The following MAML2 variants were observed in gnomAD, a reference collection of about 807,000 sequenced individuals.
The protein encoded by MAML2 is mastermind like transcriptional coactivator 2.
Under a neutral mutation model 96.1 loss-of-function variants are expected in MAML2, and 22 were observed. The ratio of observed to expected loss-of-function variants is 0.23; its 90% CI spans 0.16 to 0.33. The LOEUF (loss-of-function observed/expected upper bound fraction) is 0.33. MAML2 is among the 10% of genes least tolerant of loss of function. MAML2 has a pLI of 1.00. For missense variants in MAML2, 1,367 were observed against 1,392.4 expected (o/e 0.98, Z 0.29); for synonymous variants, 561 against 521.3 (o/e 1.08, Z -1.04).
chr11:96,026,764 C>A (rs998124543), intron 2 of MAML2, among the ~76,000 whole-genome samples: 1 of 146,946 alleles, frequency 6.8e-6, no homozygotes, highest in African/African-American at 2.5e-5. Context: ...CGAGTAGATA[C>A]GGCACAGTAG....
intron 2 of MAML2, among the ~76,000 whole-genome samples, chr11:96,043,424 A>C (rs1231885944): frequency 6.6e-6 from 1 of 152,244 alleles, no homozygotes; most frequent in East Asian, 1.9e-4. Context: ...AATGAGAAAA[A>C]AACTCTGCCA....
intron 1 of MAML2, among the ~76,000 whole-genome samples, chr11:96,279,192 T>C (rs1863030154): frequency 6.6e-6 from 1 of 152,152 alleles, no homozygotes. Context: ...GGAAAGGCCA[T>C]TAGGCAGTTA....
chr11:96,200,407 C>A (rs1438420130), intron 1 of MAML2, among the ~76,000 whole-genome samples: 1 of 152,178 alleles, frequency 6.6e-6, no homozygotes, highest in Admixed American at 6.5e-5. Flanking sequence ...ATTCTTCTAA[C>A]AAGCTATTAG....
intron 1 of MAML2, among the ~76,000 whole-genome samples, chr11:96,231,158 C>G (rs912646399): frequency 6.6e-6 from 1 of 152,148 alleles, no homozygotes; most frequent in Non-Finnish European, 1.5e-5. Context: ...ATATTTCTCT[C>G]TATATAAAAA....
chr11:96,221,145 C>T (rs751388692), intron 1 of MAML2, among the ~76,000 whole-genome samples: 1 of 152,160 alleles, frequency 6.6e-6, no homozygotes, highest in Admixed American at 6.5e-5. Context: ...CACCACAACA[C>T]TGTAATGCAG....
intron 1 of MAML2, among the ~76,000 whole-genome samples, chr11:96,252,312 A>G (rs1862592612): frequency 2.0e-5 from 3 of 152,122 alleles, no homozygotes; most frequent in African/African-American, 7.2e-5. Flanking sequence ...GTTACCTTCT[A>G]CATGTGTCAA....
chr11:96,135,856 C>G (rs532598758), intron 1 of MAML2, among the ~76,000 whole-genome samples: 2 of 78,778 alleles, frequency 2.5e-5, no homozygotes, highest in African/African-American at 4.8e-5. Flanking sequence ...GAGTGAGACA[C>G]CATCTCAAAA....
intron 4 of MAML2, among the ~76,000 whole-genome samples, chr11:95,981,560 G>A (rs1857738418): frequency 6.6e-6 from 1 of 152,056 alleles, no homozygotes. Context: ...AAAAACTGAG[G>A]GCCAAATGAA....
chr11:96,222,260 C>T (rs746300888), intron 1 of MAML2, among the ~76,000 whole-genome samples: 16 of 152,170 alleles, frequency 1.1e-4, no homozygotes, highest in East Asian at 7.7e-4. Flanking sequence ...CATAAGCGCA[C>T]GCTGAATATG....
chr11:96,036,347 T>A (rs1356137607), intron 2 of MAML2, among the ~76,000 whole-genome samples: 1 of 152,152 alleles, frequency 6.6e-6, no homozygotes, highest in Non-Finnish European at 1.5e-5. Context: ...CTAGAGAGTT[T>A]TATTTCCTCT....
intron 2 of MAML2, among the ~76,000 whole-genome samples, chr11:96,076,428 TCTCTCACACACACA>T (rs1443100543): frequency 4.2e-4 from 37 of 88,314 alleles, no homozygotes; most frequent in Admixed American, 1.4e-3. Context: ...TCTCTCTCTC[TCTCTCACACACACA>T]CACACACACA....
intron 2 of MAML2, among the ~76,000 whole-genome samples, chr11:95,999,547 T>C (rs1476845243): frequency 6.6e-6 from 1 of 150,944 alleles, no homozygotes; most frequent in Non-Finnish European, 1.5e-5. Context: ...GTAGGCAAAG[T>C]TACCAGGCAG....
At chr11:96,150,390 T>A (rs1407063367) in intron 1 of MAML2, among the ~76,000 whole-genome samples, 1 of 151,932 alleles carries the variant, frequency 6.6e-6, no homozygotes, top group Admixed American at 6.6e-5. Flanking sequence ...GAGCAGGGAG[T>A]GGGTTAGGGT....
chr11:96,002,510 C>T (rs1245480750), intron 2 of MAML2, among the ~76,000 whole-genome samples: 2 of 151,378 alleles, frequency 1.3e-5, no homozygotes, highest in African/African-American at 2.4e-5. Flanking sequence ...ATCATGATGA[C>T]AATGACGATG....
At chr11:96,249,768 T>G (rs559852786) in intron 1 of MAML2, among the ~76,000 whole-genome samples, 13 of 152,272 alleles carry the variant, frequency 8.5e-5, no homozygotes, top group African/African-American at 3.1e-4. Flanking sequence ...TTCCAACTTG[T>G]GCAACTATGC....
chr11:96,229,335 C>G (rs551172702), intron 1 of MAML2, among the ~76,000 whole-genome samples: 4 of 151,636 alleles, frequency 2.6e-5, no homozygotes, highest in Non-Finnish European at 4.4e-5. Flanking sequence ...AGCAATTATA[C>G]GTAAGAGTGT....
intron 2 of MAML2, among the ~76,000 whole-genome samples, chr11:96,064,890 G>T (rs530597984): frequency 1.3e-5 from 2 of 152,138 alleles, no homozygotes; most frequent in Non-Finnish European, 2.9e-5. Context: ...TTTTCATATA[G>T]AAGTTTTATA....
intron 1 of MAML2, among the ~76,000 whole-genome samples, chr11:96,165,961 T>A (rs773938484): frequency 7.9e-5 from 12 of 152,220 alleles, no homozygotes; most frequent in Non-Finnish European, 1.6e-4. Flanking sequence ...GCAGGTATCA[T>A]GCACAGCACA....
At chr11:96,204,460 G>A (rs1250174414) in intron 1 of MAML2, among the ~76,000 whole-genome samples, 3 of 152,094 alleles carry the variant, frequency 2.0e-5, no homozygotes, top group Non-Finnish European at 2.9e-5. Context: ...AAACAAAGAG[G>A]GTTGAGAAAG....
Sources: allele counts gnomAD v4.1 joint callset (sites outside exome capture counted in the v4.1 genomes callset), GRCh38; gene constraint gnomAD v4.1.1; transcripts MANE v1.5; gene names NCBI Gene and HGNC (gene_info 2026-07-23, HGNC 2026-07-21).